FAM174B: variants seen among roughly 807,000 people sequenced by gnomAD.
FAM174B encodes the protein family with sequence similarity 174 member B.
A neutral mutation model predicts 10.9 loss-of-function variants in FAM174B; 12 were observed. That is an observed-to-expected ratio of 1.10 (90% CI 0.71 to 1.79). The LOEUF (loss-of-function observed/expected upper bound fraction) is 1.79, where lower values mean the gene tolerates loss of function less well. Ranked by LOEUF, FAM174B falls within the 40% of genes most tolerant of loss-of-function variation. FAM174B has a pLI of 0.00. For missense variants in FAM174B, 266 were observed against 233.3 expected (o/e 1.14, Z -0.91); for synonymous variants, 132 against 115.8 (o/e 1.14, Z -0.90).
chr15:92,620,488 A>T (rs1327937632), intron 2 of FAM174B, among the ~76,000 whole-genome samples: 1 of 151,778 alleles, frequency 6.6e-6, no homozygotes, highest in East Asian at 1.9e-4. Context: ...ACAGAGCAAG[A>T]CTCCGTCTCA....
At chr15:92,646,418 G>C (rs1008333693) in intron 1 of FAM174B, among the ~76,000 whole-genome samples, 1 of 152,116 alleles carries the variant, frequency 6.6e-6, no homozygotes, top group African/African-American at 2.4e-5. Flanking sequence ...CTGAGCCTTG[G>C]TTTTCTCATC....
At chr15:92,650,513 G>T (rs565714211) in intron 1 of FAM174B, among the ~76,000 whole-genome samples, 1 of 152,342 alleles carries the variant, frequency 6.6e-6, no homozygotes, top group South Asian at 2.1e-4. Context: ...GACTCTCCAA[G>T]ACTGGGAAAG....
chr15:92,643,344 A>ATGTGTGTGTGTGTGTGTGTGTGTGTGTG (rs61322216), intron 1 of FAM174B, among the ~76,000 whole-genome samples: 5 of 138,084 alleles, frequency 3.6e-5, no homozygotes, highest in African/African-American at 5.2e-5. Flanking sequence ...TAGGGAAGGA[A>ATGTGTGTGTGTGTGTGTGTGTGTGTGTG]TGTGTGTGTG....
chr15:92,638,695 C>T (rs1412168477), intron 1 of FAM174B, among the ~76,000 whole-genome samples: 5 of 152,160 alleles, frequency 3.3e-5, no homozygotes, highest in Non-Finnish European at 7.3e-5. Flanking sequence ...AGGTGTGGTC[C>T]GGGTTCTGAT....
At chr15:92,632,924 C>T (rs893100730) in intron 1 of FAM174B, among the ~76,000 whole-genome samples, 1 of 151,842 alleles carries the variant, frequency 6.6e-6, no homozygotes, top group African/African-American at 2.4e-5. Context: ...ACTCTCTGCA[C>T]GAAGGCTGCG....
At position 92,638,154 on chromosome 15, in the gene FAM174B, C is replaced by G. The variant is rs2050867867; in HGVS notation, c.345-7809G>C. On this transcript the variant is annotated intron_variant, in intron 1 of 2. Transcript: ENST00000327355. ...CTACTGTTAACCAGGAGGCCTCAAC[C>G]TGGTTGAGATGTAAAGTGGTCCTTT... is the stretch of plus-strand genomic sequence containing the variant. 2.0e-5 allele frequency among the ~76,000 whole-genome samples: 3 copies of G among 152,230 alleles called. No homozygotes were observed. The South Asian group carries it at 6.2e-4, about 32-fold the overall frequency.
chr15:92,629,263 A>C (rs1297407962), intron 2 of FAM174B, among the ~76,000 whole-genome samples: 1 of 152,210 alleles, frequency 6.6e-6, no homozygotes, highest in African/African-American at 2.4e-5. Context: ...CCTCGTCTCA[A>C]AACTATGCTC....
intron 2 of FAM174B, among the ~76,000 whole-genome samples, chr15:92,621,649 A>G (rs1050872709): frequency 1.2e-4 from 19 of 152,018 alleles, no homozygotes; most frequent in African/African-American, 4.4e-4. Flanking sequence ...ATTAGCCACT[A>G]AAGTCCCCTA....
At chr15:92,645,987 C>A (rs2050924389) in intron 1 of FAM174B, among the ~76,000 whole-genome samples, 1 of 152,200 alleles carries the variant, frequency 6.6e-6, no homozygotes, top group Middle Eastern at 3.4e-3. Flanking sequence ...CTCACCAAAC[C>A]TATCCCTTTC....
rs1315694286 is a variant in FAM174B, at chr15:92,630,765, TAATA to T, written c.345-424_345-421del. 2.2e-3 allele frequency among the ~76,000 whole-genome samples: 93 copies of T among 41,936 alleles called. 10 individuals are homozygous for T. The highest frequency in any genetic ancestry group is 3.8e-3 in the African/African-American group (62 of 16,526). 27.5% of individuals were successfully genotyped at this position (41,936 alleles called of 152,430 possible). On this transcript the variant is annotated intron_variant, in intron 1 of 2. Transcript: ENST00000327355. ...ATTTTTTATATTATATAATAATATATAATAATAATATATTTTATATATTACATAT... is the reference window on the plus strand; with the variant it reads ...ATTTTTTATATTATATAATAATATATATAATATATTTTATATATTACATAT...
intron 1 of FAM174B, among the ~76,000 whole-genome samples, chr15:92,652,331 C>T (rs1408245669): frequency 6.6e-6 from 1 of 152,158 alleles, no homozygotes. Flanking sequence ...CAAACAGCAC[C>T]GAACTGACCA....
At chr15:92,644,325 G>A (rs760629350) in intron 1 of FAM174B, among the ~76,000 whole-genome samples, 119 of 152,152 alleles carry the variant, frequency 7.8e-4, no homozygotes, top group Non-Finnish European at 8.8e-4. Flanking sequence ...CTTCCACCTA[G>A]AGCATTTTCG....
intron 1 of FAM174B, among the ~76,000 whole-genome samples, chr15:92,650,696 G>A (rs11074091): frequency 0.2 from 30,839 of 152,128 alleles, 3,585 homozygotes; most frequent in African/African-American, 0.3. Flanking sequence ...AGCAGTCCTT[G>A]GCTTATGTGT....
chr15:92,629,023 A>G (rs932185422), intron 2 of FAM174B, among the ~76,000 whole-genome samples: 8 of 152,196 alleles, frequency 5.3e-5, no homozygotes, highest in African/African-American at 1.9e-4. Context: ...TGCAGTTCCA[A>G]TCAAAATCCC....
intron 1 of FAM174B, among the ~76,000 whole-genome samples, chr15:92,653,863 G>A (rs563109748): frequency 5.5e-4 from 83 of 152,262 alleles, no homozygotes; most frequent in Non-Finnish European, 1.1e-3. Context: ...GTTGCAGACG[G>A]GGGCCAGCTT....
chr15:92,646,721 G>C (rs1218577815), intron 1 of FAM174B, among the ~76,000 whole-genome samples: 1 of 152,056 alleles, frequency 6.6e-6, no homozygotes, highest in Non-Finnish European at 1.5e-5. Flanking sequence ...ATAAAACCTT[G>C]GTCTCCACAC....
chr15:92,624,749 A>C (rs2050742246), intron 2 of FAM174B, among the ~76,000 whole-genome samples: 1 of 152,238 alleles, frequency 6.6e-6, no homozygotes, highest in Admixed American at 6.5e-5. Flanking sequence ...CTTTCCACAC[A>C]TAAGAAGCCG....
At chr15:92,644,681 T>C (rs770154823) in intron 1 of FAM174B, among the ~76,000 whole-genome samples, 33 of 152,198 alleles carry the variant, frequency 2.2e-4, no homozygotes, top group Non-Finnish European at 4.0e-4. Context: ...CCCCAAGGCC[T>C]TGTAGACAAA....
chr15:92,618,510 A>G lies in FAM174B; in HGVS notation c.*946T>C, dbSNP rs2050694642. ...CCAGCCCCGTCTAGACTGACTTCAA[A>G]TATAGTCCCCTGACAGTGTGATTTT... On this transcript the variant is annotated 3_prime_UTR_variant, in exon 3 of 3. Transcript: ENST00000327355. 1 of 152,358 alleles carries G rather than the reference A, an allele frequency of 6.6e-6. No individual in the cohort carries two copies. The highest frequency in any genetic ancestry group is 2.4e-5 in the African/African-American group (1 of 41,422). The allele number at this position is 152,358 out of a possible 1,614,324, so 9.4% of individuals were successfully genotyped here. A position where few individuals can be genotyped will look rare whatever the true frequency, so the allele number is the denominator to read the frequency against.
Sources: gnomAD v4.1 joint callset for allele counts (sites outside exome capture counted in the v4.1 genomes callset) on GRCh38, gnomAD v4.1.1 for gene constraint, MANE v1.5 for transcripts, NCBI Gene and HGNC (gene_info 2026-07-23, HGNC 2026-07-21) for gene names.